Variants in LUZP2 observed in about 807,000 individuals in gnomAD.
The protein encoded by LUZP2 is leucine zipper protein 2.
Under a neutral mutation model 51.6 loss-of-function variants are expected in LUZP2, and 52 were observed. The observed-to-expected ratio is 1.01, with a 90% CI of 0.81 to 1.27. LUZP2 has a LOEUF of 1.27. Ranked by LOEUF, LUZP2 falls within the 50% of genes most tolerant of loss-of-function variation. LUZP2 has a pLI of 0.00. For missense variants in LUZP2, 436 were observed against 395.4 expected, an observed-to-expected ratio of 1.10 and a Z score of -0.87; for synonymous variants, 154 against 137.3, an observed-to-expected ratio of 1.12 and a Z score of -0.85.
intron 1 of LUZP2, among the ~76,000 whole-genome samples, chr11:24,722,221 A>G (rs1486819455): frequency 2.6e-5 from 4 of 152,312 alleles, no homozygotes; most frequent in Middle Eastern, 3.4e-3. Flanking sequence ...ATAAATATTA[A>G]TTTGGTCTAT....
chr11:24,672,957 AT>A (rs1284194802), intron 1 of LUZP2, among the ~76,000 whole-genome samples: 1 of 152,188 alleles, frequency 6.6e-6, no homozygotes, highest in African/African-American at 2.4e-5. Context: ...GTGGCATTAG[AT>A]ACTCATAAGA....
intron 9 of LUZP2, among the ~76,000 whole-genome samples, chr11:25,030,938 TTA>T (rs1428312764): frequency 0.01 from 14 of 1,366 alleles, 2 homozygotes; most frequent in African/African-American, 0.077. Flanking sequence ...ATAATATATA[TTA>T]TATATATTAT....
intron 10 of LUZP2, among the ~76,000 whole-genome samples, chr11:25,051,490 A>G (rs1399153557): frequency 6.6e-6 from 1 of 152,190 alleles, no homozygotes; most frequent in East Asian, 1.9e-4. Context: ...TTTGGGCAGG[A>G]AGGAAGATTT....
intron 1 of LUZP2, among the ~76,000 whole-genome samples, chr11:24,717,572 T>C (rs1331991139): frequency 7.5e-6 from 1 of 133,538 alleles, no homozygotes; most frequent in African/African-American, 2.9e-5. Flanking sequence ...CACGCCCGGC[T>C]AATTTTTTGT....
intron 5 of LUZP2, among the ~76,000 whole-genome samples, chr11:24,885,697 T>C (rs1195101106): frequency 6.6e-6 from 1 of 152,130 alleles, no homozygotes; most frequent in Admixed American, 6.6e-5. Context: ...TAAATGGTAG[T>C]GCAATAGTCG....
chr11:25,024,273 C>CATA (rs1721183934), intron 9 of LUZP2, among the ~76,000 whole-genome samples: 2 of 152,056 alleles, frequency 1.3e-5, no homozygotes, highest in Admixed American at 6.6e-5. Flanking sequence ...TCCTATTCAA[C>CATA]GTAGTGTTGG....
chr11:25,020,878 T>C (rs1565238635), intron 9 of LUZP2, among the ~76,000 whole-genome samples: 1 of 152,206 alleles, frequency 6.6e-6, no homozygotes, highest in East Asian at 1.9e-4. Context: ...AAGAGAATAA[T>C]TTGGAATGTT....
intron 7 of LUZP2, among the ~76,000 whole-genome samples, chr11:24,923,424 C>T (rs115184217): frequency 0.015 from 2,225 of 151,794 alleles, 60 homozygotes; most frequent in African/African-American, 0.052. Flanking sequence ...CGGCTGGGCG[C>T]GGTGTCTCAC....
intron 5 of LUZP2, among the ~76,000 whole-genome samples, chr11:24,850,495 C>A (rs1230988940): frequency 6.6e-6 from 1 of 151,902 alleles, no homozygotes; most frequent in Non-Finnish European, 1.5e-5. Context: ...TGTTTTGGTC[C>A]CAGTAACATG....
chr11:24,521,570 A>G (rs1850646481), intron 1 of LUZP2, among the ~76,000 whole-genome samples: 1 of 152,130 alleles, frequency 6.6e-6, no homozygotes, highest in African/African-American at 2.4e-5. Flanking sequence ...TACCTACTTC[A>G]TGAGTCAATA....
At chr11:24,863,084 T>C (rs888357036) in intron 5 of LUZP2, among the ~76,000 whole-genome samples, 1 of 152,178 alleles carries the variant, frequency 6.6e-6, no homozygotes, top group Admixed American at 6.5e-5. Context: ...GAAATAGGAA[T>C]GTTCATTTAT....
chr11:24,722,267 A>G (rs979855903), intron 1 of LUZP2, among the ~76,000 whole-genome samples: 1 of 152,198 alleles, frequency 6.6e-6, no homozygotes, highest in Admixed American at 6.5e-5. Context: ...GCTGATAAAG[A>G]CATACCTGAT....
chr11:24,974,897 A>G (rs1855842838), intron 7 of LUZP2, among the ~76,000 whole-genome samples: 1 of 152,044 alleles, frequency 6.6e-6, no homozygotes. Context: ...TTATTATGGT[A>G]AAACATATGA....
chr11:24,509,618 T>C (rs1482243593), intron 1 of LUZP2, among the ~76,000 whole-genome samples: 1 of 149,946 alleles, frequency 6.7e-6, no homozygotes, highest in South Asian at 2.1e-4. Context: ...AATATGGTTA[T>C]ATATAACATA....
intron 1 of LUZP2, among the ~76,000 whole-genome samples, chr11:24,726,369 T>C (rs947600792): frequency 2.0e-5 from 3 of 151,896 alleles, no homozygotes; most frequent in African/African-American, 7.2e-5. Flanking sequence ...TAGGCTAGAA[T>C]AGCTGATAGG....
At chr11:24,831,667 C>T (rs748015662) in intron 5 of LUZP2, among the ~76,000 whole-genome samples, 5 of 152,024 alleles carry the variant, frequency 3.3e-5, no homozygotes, top group Middle Eastern at 3.4e-3. Context: ...TTGTAGCATG[C>T]CATTTAGTGA....
intron 1 of LUZP2, among the ~76,000 whole-genome samples, chr11:24,510,169 G>T (rs1197073663): frequency 6.6e-6 from 1 of 152,152 alleles, no homozygotes; most frequent in Non-Finnish European, 1.5e-5. Context: ...GAAAGTTGGG[G>T]TGCAAAGGAG....
At chr11:24,516,095 C>A (rs554391832) in intron 1 of LUZP2, among the ~76,000 whole-genome samples, 1 of 150,810 alleles carries the variant, frequency 6.6e-6, no homozygotes, top group East Asian at 1.9e-4. Context: ...TTGAAAATTT[C>A]TTATAGTAGA....
At chr11:25,000,367 G>A (rs887541744) in intron 9 of LUZP2, among the ~76,000 whole-genome samples, 2 of 152,108 alleles carry the variant, frequency 1.3e-5, no homozygotes, top group Non-Finnish European at 2.9e-5. Flanking sequence ...GCTGGATAGG[G>A]GCAAAGAAGG....
Sources: gnomAD v4.1 joint callset for allele counts (sites outside exome capture counted in the v4.1 genomes callset) on GRCh38, gnomAD v4.1.1 for gene constraint, MANE v1.5 for transcripts, NCBI Gene and HGNC (gene_info 2026-07-23, HGNC 2026-07-21) for gene names.